NFIB: variants seen among roughly 807,000 people sequenced by gnomAD.
The protein encoded by NFIB is nuclear factor 1 B-type.
In NFIB, 11 loss-of-function variants were observed where a neutral mutation model predicts 61.5. The ratio of observed to expected loss-of-function variants is 0.18; its 90% CI spans 0.11 to 0.30. The LOEUF (loss-of-function observed/expected upper bound fraction) is 0.30. NFIB is among the 10% of genes least tolerant of loss of function. The pLI is 1.00. For synonymous variants in NFIB, 260 were observed against 216.5 expected, an observed-to-expected ratio of 1.20 and a Z score of -1.76; for missense variants, 471 against 608.9, an observed-to-expected ratio of 0.77 and a Z score of 2.38.
chr9:14,396,409 T>G (rs934954589), intron 1 of NFIB, among the ~76,000 whole-genome samples: 1 of 152,180 alleles, frequency 6.6e-6, no homozygotes, highest in African/African-American at 2.4e-5. Flanking sequence ...CAGGAACTGT[T>G]GGCACGCCTC....
At chr9:14,442,650 G>T in the NFIB span, among the ~76,000 whole-genome samples, 1 of 152,028 alleles carries the variant, frequency 6.6e-6, no homozygotes, top group Admixed American at 6.6e-5. Context: ...TCTAATCTCT[G>T]TCTTCATCTT....
In NFIB at chr9:14,146,509, G is replaced by A. The variant is rs556073990; in HGVS notation, c.925+180C>T. Reference sequence around the variant, plus strand: ...CGAAACATGTAAAAATAAGATTTTGGATAAATTAACTTTGACGACATTTGA... The same window carrying A: ...CGAAACATGTAAAAATAAGATTTTGAATAAATTAACTTTGACGACATTTGA... On this transcript the variant is annotated intron_variant, in intron 6 of 10. Coordinates refer to ENST00000380953, the MANE Select transcript of NFIB (RefSeq NM_001190737.2). Among the ~76,000 whole-genome samples the A allele has an allele frequency of 2.0e-5, 3 of 152,118 alleles. No homozygotes were observed. In the East Asian group the frequency reaches 5.8e-4, roughly 29 times the overall value.
chr9:14,362,255 C>T (rs1249963465), intron 1 of NFIB: 1 of 152,192 alleles, frequency 6.6e-6, no homozygotes, highest in East Asian at 1.9e-4. Context: ...TTCAAAGCTG[C>T]CTGGACAATG....
chr9:14,239,177 T>A (rs1388160392), intron 2 of NFIB, among the ~76,000 whole-genome samples: 1 of 152,226 alleles, frequency 6.6e-6, no homozygotes, highest in Non-Finnish European at 1.5e-5. Context: ...CAAAAAGGTT[T>A]GTAGTATTTT....
At chr9:14,327,130 CAG>C (rs1194894482) in intron 1 of NFIB, among the ~76,000 whole-genome samples, 1 of 151,888 alleles carries the variant, frequency 6.6e-6, no homozygotes, top group Non-Finnish European at 1.5e-5. Flanking sequence ...TTTCAAAAAA[CAG>C]AGGCATCTGG....
intron 3 of NFIB, among the ~76,000 whole-genome samples, chr9:14,177,841 G>C (rs2046348255): frequency 6.6e-6 from 1 of 152,134 alleles, no homozygotes; most frequent in South Asian, 2.1e-4. Context: ...GAAATAAAGA[G>C]ATGCTACATC....
At chr9:14,467,077 TA>T in the NFIB span, among the ~76,000 whole-genome samples, 2 of 152,180 alleles carry the variant, frequency 1.3e-5, no homozygotes, top group Non-Finnish European at 2.9e-5. Context: ...GGCTTCGCTC[TA>T]ATGAGAGAGA....
chr9:14,252,347 AACTC>A (rs1465653041), intron 2 of NFIB, among the ~76,000 whole-genome samples: 1 of 152,182 alleles, frequency 6.6e-6, no homozygotes, highest in African/African-American at 2.4e-5. Flanking sequence ...TCATTTTAAA[AACTC>A]ACTTTAAAGA....
the NFIB span, among the ~76,000 whole-genome samples, chr9:14,508,946 G>A: frequency 1.3e-5 from 2 of 152,158 alleles, no homozygotes; most frequent in Non-Finnish European, 2.9e-5. Flanking sequence ...CTTCCTCTGG[G>A]TTGATACTCA....
chr9:14,212,784 A>G (rs749600720), intron 2 of NFIB, among the ~76,000 whole-genome samples: 16 of 152,204 alleles, frequency 1.1e-4, no homozygotes, highest in Non-Finnish European at 2.2e-4. Flanking sequence ...ACAACTTACA[A>G]AACACTTTCA....
chr9:14,523,246 A>G, the NFIB span, among the ~76,000 whole-genome samples: 4 of 152,288 alleles, frequency 2.6e-5, no homozygotes, highest in Non-Finnish European at 4.4e-5. Flanking sequence ...GTGTTGGCTC[A>G]GCTTTCATGC....
intron 2 of NFIB, among the ~76,000 whole-genome samples, chr9:14,253,081 A>C (rs1426807119): frequency 6.6e-6 from 1 of 152,226 alleles, no homozygotes; most frequent in Admixed American, 6.5e-5. Context: ...TCCATGAAGA[A>C]AGTTTAAGCA....
intron 1 of NFIB, among the ~76,000 whole-genome samples, chr9:14,365,266 G>C (rs969135031): frequency 1.3e-5 from 2 of 152,158 alleles, no homozygotes; most frequent in African/African-American, 4.8e-5. Flanking sequence ...AGATGTAATG[G>C]TTTCACATTT....
At chr9:14,500,226 CG>C in the NFIB span, among the ~76,000 whole-genome samples, 1 of 152,126 alleles carries the variant, frequency 6.6e-6, no homozygotes, top group Non-Finnish European at 1.5e-5. Context: ...AGTAGGGCAG[CG>C]AGGATTCAAA....
chr9:14,166,769 T>C (rs1051116994), intron 3 of NFIB, among the ~76,000 whole-genome samples: 2 of 152,188 alleles, frequency 1.3e-5, no homozygotes, highest in Non-Finnish European at 2.9e-5. Context: ...ATAAGTATCT[T>C]GGGGTTGTCC....
At chr9:14,405,655 A>C in the NFIB span, among the ~76,000 whole-genome samples, 1 of 152,250 alleles carries the variant, frequency 6.6e-6, no homozygotes, top group African/African-American at 2.4e-5. Context: ...GCTTGTTTTC[A>C]AGCAAAAATG....
At chr9:14,240,491 A>G (rs2054242187) in intron 2 of NFIB, among the ~76,000 whole-genome samples, 1 of 152,202 alleles carries the variant, frequency 6.6e-6, no homozygotes, top group African/African-American at 2.4e-5. Context: ...CTTGGAGCAT[A>G]AAGCAAAGAA....
the NFIB span, among the ~76,000 whole-genome samples, chr9:14,517,878 C>T: frequency 3.3e-5 from 5 of 152,270 alleles, no homozygotes; most frequent in African/African-American, 1.2e-4. Context: ...ATCTTCTGCT[C>T]TCTCTTATTT....
chr9:14,173,098 C>T (rs2045753741), intron 3 of NFIB, among the ~76,000 whole-genome samples: 1 of 152,180 alleles, frequency 6.6e-6, no homozygotes, highest in Non-Finnish European at 1.5e-5. Context: ...TGCAGGAAGC[C>T]TTCTTGATCA....
Sources: allele counts gnomAD v4.1 joint callset (sites outside exome capture counted in the v4.1 genomes callset), GRCh38; gene constraint gnomAD v4.1.1; transcripts MANE v1.5; gene names NCBI Gene and HGNC (gene_info 2026-07-23, HGNC 2026-07-21).